Variants in MED12L observed in about 807,000 individuals in gnomAD.
MED12L encodes mediator of RNA polymerase II transcription subunit 12-like protein.
MED12L carries 60 observed loss-of-function variants against 281.3 expected under a neutral mutation model. The ratio of observed to expected loss-of-function variants is 0.21; its 90% CI spans 0.17 to 0.26. The LOEUF (loss-of-function observed/expected upper bound fraction) is 0.26. MED12L is among the 10% of genes least tolerant of loss of function. The probability of loss-of-function intolerance (pLI) is 1.00; values close to 1 mark genes in which losing one functional copy is unlikely to be tolerated. For missense variants in MED12L, 2,146 were observed against 2,680.9 expected, an observed-to-expected ratio of 0.80 and a Z score of 4.41; for synonymous variants, 974 against 987.2, an observed-to-expected ratio of 0.99 and a Z score of 0.25.
intron 16 of MED12L, among the ~76,000 whole-genome samples, chr3:151,306,309 GT>G (rs1746643129): frequency 6.6e-6 from 1 of 152,214 alleles, no homozygotes; most frequent in South Asian, 2.1e-4. Context: ...AGGAGGTCAT[GT>G]TGATTAGTTC....
chr3:151,204,813 T>C (rs1275143288), intron 16 of MED12L, among the ~76,000 whole-genome samples: 1 of 152,172 alleles, frequency 6.6e-6, no homozygotes, highest in African/African-American at 2.4e-5. Context: ...TTTTGCTTTT[T>C]TTAGTTAGGT....
intron 44 of MED12L, among the ~76,000 whole-genome samples, chr3:151,432,450 C>T (rs1380468264): frequency 6.6e-6 from 1 of 152,210 alleles, no homozygotes; most frequent in Non-Finnish European, 1.5e-5. Context: ...GAAACTTTTA[C>T]TGTATTCCTT....
chr3:151,262,895 G>A (rs1014393533), intron 16 of MED12L, among the ~76,000 whole-genome samples: 1 of 152,150 alleles, frequency 6.6e-6, no homozygotes, highest in Admixed American at 6.6e-5. Context: ...GGGCAGTAAG[G>A]CTTGGTGAGG....
intron 2 of MED12L, among the ~76,000 whole-genome samples, chr3:151,101,199 C>G (rs948326845): frequency 2.0e-5 from 3 of 152,130 alleles, no homozygotes; most frequent in African/African-American, 7.2e-5. Flanking sequence ...ATGACTAATT[C>G]ATTAGTTTTA....
chr3:151,160,587 A>G (rs1281880072), intron 8 of MED12L, among the ~76,000 whole-genome samples: 4 of 152,166 alleles, frequency 2.6e-5, no homozygotes, highest in African/African-American at 9.7e-5. Flanking sequence ...CAGGAATATC[A>G]GGAATGAGGT....
intron 18 of MED12L, among the ~76,000 whole-genome samples, chr3:151,355,493 G>C (rs555711652): frequency 1.3e-5 from 2 of 152,234 alleles, no homozygotes; most frequent in East Asian, 1.9e-4. Flanking sequence ...TAATGAAATA[G>C]TTAGGTTATT....
intron 16 of MED12L, among the ~76,000 whole-genome samples, chr3:151,301,779 G>T (rs1745958156): frequency 6.6e-6 from 1 of 152,138 alleles, no homozygotes; most frequent in Admixed American, 6.5e-5. Flanking sequence ...GTGAAAACAG[G>T]ACCCCTTATA....
chr3:151,164,384 G>T (rs1720413806), intron 9 of MED12L, among the ~76,000 whole-genome samples: 1 of 152,064 alleles, frequency 6.6e-6, no homozygotes, highest in Non-Finnish European at 1.5e-5. Flanking sequence ...TGGGTTATTT[G>T]TTTCAAAGCC....
chr3:151,365,935 C>G lies in MED12L; in HGVS notation c.3271C>G (p.Leu1091Val). The part of the protein sequence containing the change: ...SSEWLGVLKA[L>V]CCSSNHVWGF... ...AGAATGGCTGGGGGTTCTGAAGGCT[C>G]TTTGTTGTTCTTCAAATCACGTGTG... Residue 1091 changes from leucine (L) to valine (V), a missense_variant, in exon 23 of 45, where the codon CTT becomes GTT. Leu to Val is a conservative substitution (Grantham distance 32). Around this residue, in one of 9 missense-constraint regions of MED12L, gnomAD observed 404 missense variants for 603.5 expected, o/e 0.67. Transcript: ENST00000687756. The G allele has an allele frequency of 6.2e-7, 1 of 1,613,362 alleles. No individual in the cohort carries two copies. The highest frequency in any genetic ancestry group is 8.5e-7 in the Non-Finnish European group (1 of 1,179,512).
At chr3:151,193,957 T>C (rs1177384245) in intron 16 of MED12L, among the ~76,000 whole-genome samples, 3 of 128,068 alleles carry the variant, frequency 2.3e-5, no homozygotes, top group Non-Finnish European at 3.6e-5. Context: ...ATGTGTTTTT[T>C]TTCTTTTCTT....
At chr3:151,250,226 T>C (rs1049055636) in intron 16 of MED12L, among the ~76,000 whole-genome samples, 20 of 152,182 alleles carry the variant, frequency 1.3e-4, no homozygotes, top group African/African-American at 4.3e-4. Flanking sequence ...CTCAATCCAA[T>C]TGACATTTTG....
At chr3:151,277,759 G>T (rs981127528) in intron 16 of MED12L, among the ~76,000 whole-genome samples, 1 of 152,130 alleles carries the variant, frequency 6.6e-6, no homozygotes, top group African/African-American at 2.4e-5. Flanking sequence ...CAATTTAAAG[G>T]CATTTTATTT....
chr3:151,341,353 A>G (rs1233971615), intron 16 of MED12L, among the ~76,000 whole-genome samples: 2 of 152,130 alleles, frequency 1.3e-5, no homozygotes, highest in African/African-American at 4.8e-5. Flanking sequence ...CAGGCTTATT[A>G]TATACTGTGT....
intron 41 of MED12L, 103 bp downstream of exon 41, chr3:151,411,610 T>C: frequency 9.8e-7 from 1 of 1,017,368 alleles, no homozygotes; most frequent in Non-Finnish European, 1.5e-6. Context: ...TTTATGAGCT[T>C]GCATATTTGC....
At chr3:151,171,827 T>C (rs1212501263) in intron 11 of MED12L, among the ~76,000 whole-genome samples, 1 of 152,208 alleles carries the variant, frequency 6.6e-6, no homozygotes, top group Non-Finnish European at 1.5e-5. Context: ...TTTCTGTCAG[T>C]GCTGGGCTTG....
intron 2 of MED12L, among the ~76,000 whole-genome samples, chr3:151,091,847 T>C (rs1720088377): frequency 6.6e-6 from 1 of 152,212 alleles, no homozygotes; most frequent in Non-Finnish European, 1.5e-5. Flanking sequence ...CCTGTTTGAC[T>C]CAGCTTCCTC....
intron 16 of MED12L, chr3:151,198,751 A>G (rs1243570009): frequency 2.5e-6 from 4 of 1,613,650 alleles, no homozygotes; most frequent in Non-Finnish European, 3.4e-6. Flanking sequence ...GGTAATTTTC[A>G]TTATCTTTGT....
In MED12L at chr3:151,318,728, C is replaced by G. The variant is rs1192925575; in HGVS notation, c.2251-31331C>G. On this transcript the variant is annotated intron_variant, in intron 16 of 44. Coordinates refer to ENST00000687756, the MANE Select transcript of MED12L (RefSeq NM_001393769.1). ...AGGCTTCTGTTATAAGAATAAAGAC[C>G]TTTTAAAAAAAAGAGAGGGCCCTAC... is the stretch of plus-strand genomic sequence containing the variant. Among the ~76,000 whole-genome samples, 24 of 151,856 alleles carry G rather than the reference C, an allele frequency of 1.6e-4. 1 individual carries two copies. The highest frequency in any genetic ancestry group is 1.6e-3 in the Admixed American group (24 of 15,236).
intron 2 of MED12L, among the ~76,000 whole-genome samples, chr3:151,105,572 C>G (rs548089331): frequency 6.6e-6 from 1 of 152,188 alleles, no homozygotes; most frequent in African/African-American, 2.4e-5. Flanking sequence ...CTTCTCTCCC[C>G]TCTGGCCACA....
Sources: allele counts gnomAD v4.1 joint callset (sites outside exome capture counted in the v4.1 genomes callset), GRCh38; gene constraint gnomAD v4.1.1; regional missense constraint gnomAD v4.1.1; transcripts MANE v1.5; gene names NCBI Gene and HGNC (gene_info 2026-07-23, HGNC 2026-07-21).